CNTN3: variants seen among roughly 807,000 people sequenced by gnomAD.
CNTN3 encodes the protein contactin 3.
In CNTN3, 60 loss-of-function variants were observed where a neutral mutation model predicts 119.1. That is an observed-to-expected ratio of 0.50 (90% confidence interval 0.41 to 0.62). CNTN3 has a LOEUF of 0.62. Among genes scored for constraint, CNTN3 ranks in the 20% least tolerant of loss-of-function variants. CNTN3 has a pLI of 0.00. For missense variants in CNTN3, 1,101 were observed against 1,242.4 expected, an observed-to-expected ratio of 0.89 and a Z score of 1.71; for synonymous variants, 450 against 438.7, an observed-to-expected ratio of 1.03 and a Z score of -0.32.
chr3:74,347,997 AAAAAAGTAG>A (rs1703732363), intron 11 of CNTN3, among the ~76,000 whole-genome samples: 1 of 152,250 alleles, frequency 6.6e-6, no homozygotes. Context: ...CAGTTGGAAA[AAAAAAGTAG>A]AATGGTGATT....
At chr3:74,594,594 A>G (rs1312975519) in intron 1 of CNTN3, among the ~76,000 whole-genome samples, 7 of 151,802 alleles carry the variant, frequency 4.6e-5, no homozygotes, top group Admixed American at 6.6e-5. Flanking sequence ...ATGATTTCCA[A>G]TTTCATCCAT....
chr3:74,361,194 C>G (rs1259953864), intron 11 of CNTN3, among the ~76,000 whole-genome samples: 4 of 152,112 alleles, frequency 2.6e-5, no homozygotes, highest in Non-Finnish European at 5.9e-5. Context: ...CGCTTACTTT[C>G]TGGCAGGTGT....
At chr3:74,355,142 G>T (rs1277357705) in intron 11 of CNTN3, among the ~76,000 whole-genome samples, 4 of 151,880 alleles carry the variant, frequency 2.6e-5, no homozygotes, top group Admixed American at 6.6e-5. Context: ...TATCCTATTT[G>T]CCCTCATTTC....
intron 1 of CNTN3, among the ~76,000 whole-genome samples, chr3:74,598,054 G>C (rs1704842808): frequency 6.6e-6 from 1 of 151,968 alleles, no homozygotes; most frequent in Non-Finnish European, 1.5e-5. Flanking sequence ...TCCTTTTATG[G>C]TTTACATCAT....
chr3:74,385,632 T>G (rs2106819093), intron 5 of CNTN3, among the ~76,000 whole-genome samples: 1 of 152,312 alleles, frequency 6.6e-6, no homozygotes, highest in African/African-American at 2.4e-5. Context: ...TTCTCTTACC[T>G]GAAAAATGAG....
intron 10 of CNTN3, among the ~76,000 whole-genome samples, chr3:74,364,164 A>T (rs937693956): frequency 1.3e-5 from 2 of 152,116 alleles, no homozygotes; most frequent in African/African-American, 4.8e-5. Flanking sequence ...AAAATCACTT[A>T]TTCTCCTAAA....
chr3:74,343,348 C>G (rs1344966991), intron 11 of CNTN3, among the ~76,000 whole-genome samples: 1 of 152,158 alleles, frequency 6.6e-6, no homozygotes, highest in Non-Finnish European at 1.5e-5. Context: ...AAAAGTTGAG[C>G]TAGAGTGTCA....
intron 1 of CNTN3, among the ~76,000 whole-genome samples, chr3:74,555,320 T>C (rs1435172532): frequency 6.6e-6 from 1 of 152,194 alleles, no homozygotes; most frequent in East Asian, 1.9e-4. Context: ...TTTGCCAGTA[T>C]TTTATTGAGG....
At position 74,279,622 on chromosome 3, in the gene CNTN3, A is replaced by C. The variant is rs111796526; in HGVS notation, c.2704+5683T>G. Among the ~76,000 whole-genome samples the C allele has an allele frequency of 5.8e-3, 838 of 143,494 alleles. 6 individuals carry two copies. The highest frequency in any genetic ancestry group is 0.02 in the African/African-American group (787 of 39,494). The allele number at this position is 143,494 out of a possible 152,430, so 94.1% of individuals were successfully genotyped here. A position where few individuals can be genotyped will look rare whatever the true frequency, so the allele number is the denominator to read the frequency against. ...CAAAGGCGTAAGAATGATACAATGG[A>C]CTTTCGGGACTTGGGGGGAAGGTTG... On this transcript the variant is annotated intron_variant, in intron 20 of 22. Transcript: ENST00000263665.
At chr3:74,496,039 C>A (rs1000805555) in intron 3 of CNTN3, among the ~76,000 whole-genome samples, 2 of 152,026 alleles carry the variant, frequency 1.3e-5, no homozygotes, top group African/African-American at 4.8e-5. Context: ...CCACACGTGG[C>A]TACCAAGCAC....
chr3:74,609,185 G>C (rs1378313176), intron 1 of CNTN3, among the ~76,000 whole-genome samples: 1 of 152,190 alleles, frequency 6.6e-6, no homozygotes, highest in African/African-American at 2.4e-5. Flanking sequence ...TTAAGTATCA[G>C]GGGAGAATTA....
At chr3:74,565,127 T>C (rs1575833095) in intron 1 of CNTN3, among the ~76,000 whole-genome samples, 1 of 152,308 alleles carries the variant, frequency 6.6e-6, no homozygotes, top group South Asian at 2.1e-4. Flanking sequence ...TTCCTATTGC[T>C]ACTATAACAA....
chr3:74,522,799 G>T (rs1019563205), intron 1 of CNTN3, among the ~76,000 whole-genome samples: 5 of 151,624 alleles, frequency 3.3e-5, no homozygotes, highest in Admixed American at 3.3e-4. Flanking sequence ...AAAAAGGAAA[G>T]AAACATATAT....
chr3:74,336,585 T>G lies in CNTN3; in HGVS notation c.1438A>C (p.Met480Leu). The change falls in exon 12 of 23, where the codon ATG becomes CTG. Residue 480 changes from methionine to leucine, a missense_variant. Coordinates refer to ENST00000263665, the MANE Select transcript of CNTN3 (RefSeq NM_020872.3). Reference sequence around the variant, plus strand: ...GCTTTCCCAAACTGGTTTTCTGCCATGCAGGTGTAAGTTCCAGCATCAGCT... The same window carrying G: ...GCTTTCCCAAACTGGTTTTCTGCCAGGCAGGTGTAAGTTCCAGCATCAGCT... ...TKADAGTYTCMAENQFGKANG... is the reference protein window; with the variant it reads ...TKADAGTYTCLAENQFGKANG... 1 of 1,612,870 alleles carries G rather than the reference T, an allele frequency of 6.2e-7. No homozygotes were observed. The highest frequency in any genetic ancestry group is 8.5e-7 in the Non-Finnish European group (1 of 1,179,094).
At chr3:74,265,042 C>A (rs967270885) in intron 22 of CNTN3, among the ~76,000 whole-genome samples, 6 of 152,130 alleles carry the variant, frequency 3.9e-5, no homozygotes, top group Admixed American at 3.9e-4. Flanking sequence ...TACTTGATTA[C>A]AAACAACTTT....
At chr3:74,516,902 G>A (rs1267446782) in intron 2 of CNTN3, among the ~76,000 whole-genome samples, 1 of 152,004 alleles carries the variant, frequency 6.6e-6, no homozygotes, top group East Asian at 2.0e-4. Flanking sequence ...TCCCTGAGCT[G>A]TTTTTCAGTA....
At chr3:74,490,623 A>G (rs1272620231) in intron 3 of CNTN3, among the ~76,000 whole-genome samples, 6 of 152,188 alleles carry the variant, frequency 3.9e-5, no homozygotes, top group Middle Eastern at 3.2e-3. Context: ...CCAAGATGTA[A>G]AACTATCATC....
At chr3:74,565,065 G>T in intron 1 of CNTN3, among the ~76,000 whole-genome samples, 1 of 152,164 alleles carries the variant, frequency 6.6e-6, no homozygotes, top group African/African-American at 2.4e-5. Context: ...CAACCCAAAA[G>T]AAAAGAAAAA....
chr3:74,295,305 C>A lies in CNTN3; in HGVS notation c.2402-69G>T. On this transcript the variant is annotated intron_variant, in intron 18 of 22. Transcript: ENST00000263665. ...TTAGTTTAAAACACAGATTAATGTTCTTATTTTTATAAAAGCATTTTAACG... is the reference window on the plus strand; with the variant it reads ...TTAGTTTAAAACACAGATTAATGTTATTATTTTTATAAAAGCATTTTAACG... The A allele has an allele frequency of 1.3e-5, 10 of 785,746 alleles. No individual in the cohort carries two copies. In the South Asian group the frequency reaches 1.9e-4, roughly 15 times the overall value. The allele number at this position is 785,746 out of a possible 1,614,324, so 48.7% of individuals were successfully genotyped here.
Sources: allele counts gnomAD v4.1 joint callset (sites outside exome capture counted in the v4.1 genomes callset), GRCh38; gene constraint gnomAD v4.1.1; transcripts MANE v1.5; gene names NCBI Gene and HGNC (gene_info 2026-07-23, HGNC 2026-07-21).